The following CLSTN2 variants were observed in gnomAD, a reference collection of about 807,000 sequenced individuals.
CLSTN2 encodes the protein calsyntenin-2.
Under a neutral mutation model 101.2 loss-of-function variants are expected in CLSTN2, and 48 were observed. That is an observed-to-expected ratio of 0.47 (90% CI 0.38 to 0.60). The LOEUF (loss-of-function observed/expected upper bound fraction) is 0.60, where lower values mean the gene tolerates loss of function less well. Among genes scored for constraint, CLSTN2 ranks in the 20% least tolerant of loss-of-function variants. CLSTN2 has a pLI of 0.00. For synonymous variants in CLSTN2, 481 were observed against 463.6 expected, an observed-to-expected ratio of 1.04 and a Z score of -0.48; for missense variants, 1,160 against 1,238.2, an observed-to-expected ratio of 0.94 and a Z score of 0.95.
At position 140,573,478 on chromosome 3, in the gene CLSTN2, C is replaced by G. The variant is rs1415292027; in HGVS notation, c.*7225C>G. 1.3e-5 allele frequency: 2 copies of G among 152,174 alleles called. No homozygotes were observed. The highest frequency in any genetic ancestry group is 4.8e-5 in the African/African-American group (2 of 41,426). 9.4% of individuals were successfully genotyped at this position (152,174 alleles called of 1,614,324 possible). On this transcript the variant is annotated 3_prime_UTR_variant, in exon 17 of 17. Transcript: ENST00000458420. ...AGTCTGTGAGGCTGCCAGGATTCAC[C>G]AATTCTCCTTTCCCCTGAGGCCCAG... is the stretch of plus-strand genomic sequence containing the variant.
chr3:140,418,892 G>A (rs1404650618), intron 4 of CLSTN2, among the ~76,000 whole-genome samples: 1 of 152,044 alleles, frequency 6.6e-6, no homozygotes, highest in South Asian at 2.1e-4. Flanking sequence ...TCCAGGACAA[G>A]TTACTTGAAC....
At chr3:140,023,815 C>A (rs909756515) in intron 1 of CLSTN2, among the ~76,000 whole-genome samples, 4 of 152,202 alleles carry the variant, frequency 2.6e-5, no homozygotes, top group African/African-American at 7.2e-5. Context: ...GCTGCTGCTT[C>A]TTGGCAGGAG....
intron 1 of CLSTN2, among the ~76,000 whole-genome samples, chr3:140,083,360 G>C (rs560123605): frequency 2.0e-5 from 3 of 152,180 alleles, no homozygotes. Context: ...TGGCAGCAAG[G>C]AGGGATGAAT....
chr3:140,561,872 A>G (rs1216577293), intron 12 of CLSTN2, among the ~76,000 whole-genome samples: 1 of 152,216 alleles, frequency 6.6e-6, no homozygotes, highest in Non-Finnish European at 1.5e-5. Context: ...GCAGCTTCTC[A>G]GTGGCAGAGC....
chr3:140,511,332 C>T (rs891415614), intron 8 of CLSTN2, among the ~76,000 whole-genome samples: 2 of 152,038 alleles, frequency 1.3e-5, no homozygotes, highest in Non-Finnish European at 2.9e-5. Flanking sequence ...TGAACGTACA[C>T]GTGCTTGTAT....
intron 1 of CLSTN2, among the ~76,000 whole-genome samples, chr3:140,027,373 G>C: frequency 6.6e-6 from 1 of 152,148 alleles, no homozygotes; most frequent in Middle Eastern, 3.2e-3. Flanking sequence ...AGACACAAGG[G>C]AGAGGACCGT....
At chr3:140,305,058 T>C (rs533035155) in intron 2 of CLSTN2, among the ~76,000 whole-genome samples, 4 of 145,042 alleles carry the variant, frequency 2.8e-5, no homozygotes, top group Non-Finnish European at 6.0e-5. Context: ...ACACACACTC[T>C]CTCTCTCTCT....
chr3:139,949,091 C>T (rs73224947), intron 1 of CLSTN2, among the ~76,000 whole-genome samples: 2,011 of 152,268 alleles, frequency 0.013, 24 homozygotes, highest in Middle Eastern at 0.051. Context: ...AGGCCTCCCC[C>T]ACGCTGTCAG....
intron 1 of CLSTN2, among the ~76,000 whole-genome samples, chr3:140,064,033 G>A (rs2107774033): frequency 6.6e-6 from 1 of 152,284 alleles, no homozygotes; most frequent in South Asian, 2.1e-4. Flanking sequence ...GAAAGATGGA[G>A]CAGTAACCAT....
At chr3:140,470,983 C>T (rs773806874) in intron 8 of CLSTN2, among the ~76,000 whole-genome samples, 10 of 152,148 alleles carry the variant, frequency 6.6e-5, no homozygotes, top group African/African-American at 9.7e-5. Context: ...CCCTCTGCCC[C>T]GCACCGCAGC....
chr3:140,275,660 C>T (rs2086788366), intron 2 of CLSTN2, among the ~76,000 whole-genome samples: 2 of 152,150 alleles, frequency 1.3e-5, no homozygotes, highest in East Asian at 1.9e-4. Context: ...TGACTCTCTA[C>T]CCATGCTGGT....
At chr3:140,315,154 C>A (rs183023077) in intron 2 of CLSTN2, among the ~76,000 whole-genome samples, 1 of 152,202 alleles carries the variant, frequency 6.6e-6, no homozygotes, top group African/African-American at 2.4e-5. Flanking sequence ...ATCCGTGGAT[C>A]CTGCTCAGAG....
intron 1 of CLSTN2, among the ~76,000 whole-genome samples, chr3:140,100,934 A>G (rs1218071315): frequency 1.3e-5 from 2 of 152,068 alleles, no homozygotes; most frequent in African/African-American, 4.8e-5. Context: ...CTTTATTGGT[A>G]GCATTGTTGC....
intron 1 of CLSTN2, among the ~76,000 whole-genome samples, chr3:140,133,872 C>T (rs2009560429): frequency 6.6e-6 from 1 of 152,174 alleles, no homozygotes; most frequent in African/African-American, 2.4e-5. Context: ...GAGAAACTTG[C>T]TGTAATTCTA....
chr3:139,953,931 T>G (rs62271924), intron 1 of CLSTN2, among the ~76,000 whole-genome samples: 116 of 147,476 alleles, frequency 7.9e-4, no homozygotes, highest in African/African-American at 2.9e-3. Flanking sequence ...GTGTGTGTGT[T>G]TGTGTGTGTG....
At chr3:140,080,859 C>G (rs544515046) in intron 1 of CLSTN2, among the ~76,000 whole-genome samples, 1 of 152,150 alleles carries the variant, frequency 6.6e-6, no homozygotes, top group East Asian at 1.9e-4. Flanking sequence ...GTGTGTTACA[C>G]GGATAAGTAC....
rs551256531 is a variant in CLSTN2 at position 139,952,747 on chromosome 3, G to A, written c.109+17264G>A. On this transcript the variant is annotated intron_variant, in intron 1 of 16. Transcript: ENST00000458420. Reference sequence around the variant, plus strand: ...CCTGTTCGTTTCCCATTTCACCGTCGTCTCACCTTCCAAGTAGAAAATACC... The same window carrying A: ...CCTGTTCGTTTCCCATTTCACCGTCATCTCACCTTCCAAGTAGAAAATACC... Among the ~76,000 whole-genome samples the A allele has an allele frequency of 2.6e-5, 4 of 152,150 alleles. No individual in the cohort carries two copies. The South Asian group carries it at 8.3e-4, about 32-fold the overall frequency.
chr3:140,418,214 C>T (rs1284262132), intron 4 of CLSTN2, among the ~76,000 whole-genome samples: 2 of 152,042 alleles, frequency 1.3e-5, no homozygotes, highest in Non-Finnish European at 2.9e-5. Flanking sequence ...CAGAATTCCT[C>T]CCCTGTGACA....
At chr3:140,360,422 C>A (rs2107949327) in intron 2 of CLSTN2, among the ~76,000 whole-genome samples, 1 of 152,254 alleles carries the variant, frequency 6.6e-6, no homozygotes, top group Middle Eastern at 3.4e-3. Flanking sequence ...GGTGTGACAG[C>A]AAGTACCTGG....
Sources: allele counts gnomAD v4.1 joint callset (sites outside exome capture counted in the v4.1 genomes callset), GRCh38; gene constraint gnomAD v4.1.1; transcripts MANE v1.5; gene names NCBI Gene and HGNC (gene_info 2026-07-23, HGNC 2026-07-21).